The following SLC25A21 variants were observed in gnomAD, a reference collection of about 807,000 sequenced individuals.
The protein encoded by SLC25A21 is mitochondrial 2-oxodicarboxylate carrier.
A neutral mutation model predicts 43.8 loss-of-function variants in SLC25A21; 47 were observed. The ratio of observed to expected loss-of-function variants is 1.07; its 90% confidence interval spans 0.85 to 1.37. The LOEUF (loss-of-function observed/expected upper bound fraction) is 1.37. SLC25A21 is among the 40% of genes most tolerant of loss of function. The probability of loss-of-function intolerance (pLI) is 0.00; values close to 1 mark genes in which losing one functional copy is unlikely to be tolerated. For synonymous variants in SLC25A21, 131 were observed against 121.3 expected, an observed-to-expected ratio of 1.08 and a Z score of -0.52; for missense variants, 352 against 350.2, an observed-to-expected ratio of 1.00 and a Z score of -0.04.
chr14:37,087,255 C>A (rs1042119951), intron 1 of SLC25A21, among the ~76,000 whole-genome samples: 6 of 152,096 alleles, frequency 3.9e-5, no homozygotes, highest in Non-Finnish European at 7.4e-5. Context: ...AAATAAGGAG[C>A]CAATTAGTCG....
At chr14:37,149,784 A>C (rs2138932355) in intron 1 of SLC25A21, among the ~76,000 whole-genome samples, 1 of 152,166 alleles carries the variant, frequency 6.6e-6, no homozygotes, top group East Asian at 1.9e-4. Context: ...CATCCTCCTT[A>C]GAACTATCTT....
At chr14:37,151,370 G>GA (rs1286182771) in intron 1 of SLC25A21, among the ~76,000 whole-genome samples, 6 of 152,076 alleles carry the variant, frequency 3.9e-5, no homozygotes, top group Non-Finnish European at 8.8e-5. Flanking sequence ...GCATCTGGCA[G>GA]AAAAAAAGAT....
At chr14:36,684,123 G>C (rs1029433705) in intron 8 of SLC25A21, among the ~76,000 whole-genome samples, 6 of 152,196 alleles carry the variant, frequency 3.9e-5, no homozygotes, top group African/African-American at 1.4e-4. Context: ...TCATCAGTGA[G>C]ATGGTTTTTG....
chr14:37,034,649 C>T (rs902799681), intron 1 of SLC25A21, among the ~76,000 whole-genome samples: 2 of 152,184 alleles, frequency 1.3e-5, no homozygotes, highest in African/African-American at 4.8e-5. Flanking sequence ...CAAAAACACC[C>T]GCGTGCATCC....
chr14:37,080,466 G>A (rs1328728630), intron 1 of SLC25A21, among the ~76,000 whole-genome samples: 1 of 152,140 alleles, frequency 6.6e-6, no homozygotes, highest in East Asian at 1.9e-4. Context: ...TGAGCATGGT[G>A]GTGTGCACCT....
intron 3 of SLC25A21, among the ~76,000 whole-genome samples, chr14:36,771,755 A>G (rs1015612696): frequency 2.2e-4 from 9 of 41,038 alleles, no homozygotes; most frequent in Non-Finnish European, 3.9e-4. Flanking sequence ...CAAGAAACAT[A>G]AAAAAAAAAA....
intron 1 of SLC25A21, among the ~76,000 whole-genome samples, chr14:36,960,173 T>G (rs897685281): frequency 2.0e-5 from 3 of 152,226 alleles, no homozygotes; most frequent in Non-Finnish European, 1.5e-5. Context: ...TCACCTATTT[T>G]CACTGGCCAA....
chr14:36,856,420 C>T (rs550278673), intron 2 of SLC25A21, among the ~76,000 whole-genome samples: 35 of 152,222 alleles, frequency 2.3e-4, no homozygotes, highest in African/African-American at 8.4e-4. Context: ...TCAGACATGG[C>T]TTGTAAGGGA....
intron 1 of SLC25A21, among the ~76,000 whole-genome samples, chr14:37,128,827 G>C (rs768241158): frequency 6.6e-6 from 1 of 151,910 alleles, no homozygotes; most frequent in Non-Finnish European, 1.5e-5. Flanking sequence ...GAGCTCAAGC[G>C]ATCTGCTACC....
At chr14:36,701,242 C>T (rs2139170217) in intron 7 of SLC25A21, among the ~76,000 whole-genome samples, 1 of 152,338 alleles carries the variant, frequency 6.6e-6, no homozygotes, top group Middle Eastern at 3.4e-3. Context: ...TTTTACTTCA[C>T]TGCTATCAGA....
chr14:37,059,839 C>T (rs1410513604), intron 1 of SLC25A21, among the ~76,000 whole-genome samples: 1 of 152,096 alleles, frequency 6.6e-6, no homozygotes, highest in Non-Finnish European at 1.5e-5. Context: ...GGGGTATCAA[C>T]CAACAATTCC....
intron 3 of SLC25A21, among the ~76,000 whole-genome samples, chr14:36,762,152 A>T (rs1017817497): frequency 1.3e-5 from 2 of 152,250 alleles, no homozygotes; most frequent in Non-Finnish European, 2.9e-5. Context: ...GTGCTAATAT[A>T]GAATATCTCT....
At chr14:37,006,780 A>G (rs1366548272) in intron 1 of SLC25A21, among the ~76,000 whole-genome samples, 1 of 152,194 alleles carries the variant, frequency 6.6e-6, no homozygotes, top group Non-Finnish European at 1.5e-5. Flanking sequence ...AATTGATGTC[A>G]TATCTGATAA....
At chr14:36,872,149 T>C (rs1890391732) in intron 2 of SLC25A21, among the ~76,000 whole-genome samples, 1 of 152,174 alleles carries the variant, frequency 6.6e-6, no homozygotes, top group Non-Finnish European at 1.5e-5. Context: ...GGGTGACTAT[T>C]ATTACTTAAG....
chr14:36,766,685 G>GTATC (rs1886427837), intron 3 of SLC25A21, among the ~76,000 whole-genome samples: 1 of 152,138 alleles, frequency 6.6e-6, no homozygotes. Context: ...GTTTCTCCAT[G>GTATC]TATCGACTCT....
chr14:36,891,017 T>C (rs1891058305), intron 1 of SLC25A21, among the ~76,000 whole-genome samples: 1 of 152,204 alleles, frequency 6.6e-6, no homozygotes, highest in South Asian at 2.1e-4. Flanking sequence ...AGACTTGTAA[T>C]CGACAGTATT....
chr14:36,843,965 T>C (rs760542237), intron 2 of SLC25A21, among the ~76,000 whole-genome samples: 1 of 152,226 alleles, frequency 6.6e-6, no homozygotes, highest in Admixed American at 6.5e-5. Flanking sequence ...AGATCAGTTA[T>C]GTATAAAATC....
chr14:36,982,525 T>C (rs1313476745), intron 1 of SLC25A21, among the ~76,000 whole-genome samples: 1 of 152,132 alleles, frequency 6.6e-6, no homozygotes, highest in Non-Finnish European at 1.5e-5. Flanking sequence ...TTAGGTGGAC[T>C]GATTTTTTTT....
At chr14:36,778,164 C>A (rs1251034672) in intron 3 of SLC25A21, among the ~76,000 whole-genome samples, 1 of 152,214 alleles carries the variant, frequency 6.6e-6, no homozygotes. Context: ...TTAATTGCAG[C>A]ATACCCAAGC....
Sources: gnomAD v4.1 joint callset for allele counts (sites outside exome capture counted in the v4.1 genomes callset) on GRCh38, gnomAD v4.1.1 for gene constraint, MANE v1.5 for transcripts, NCBI Gene and HGNC (gene_info 2026-07-23, HGNC 2026-07-21) for gene names.